WWTR1: variants seen among roughly 807,000 people sequenced by gnomAD.
WWTR1 encodes WW domain-containing transcription regulator protein 1.
In WWTR1, 13 loss-of-function variants were observed where a neutral mutation model predicts 40.1. The ratio of observed to expected loss-of-function variants is 0.32; its 90% CI spans 0.21 to 0.52. The LOEUF is 0.52. Ranked by LOEUF, WWTR1 falls within the 20% of genes least tolerant of loss-of-function variation. The pLI is 0.97. For synonymous variants in WWTR1, 230 were observed against 210.1 expected, an observed-to-expected ratio of 1.09 and a Z score of -0.82; for missense variants, 436 against 523.1, an observed-to-expected ratio of 0.83 and a Z score of 1.63.
chr3:149,555,484 GA>G lies in WWTR1; in HGVS notation c.569-12948del, dbSNP rs746791957. 5.7e-3 allele frequency among the ~76,000 whole-genome samples: 714 copies of G among 124,850 alleles called. 1 individual carries two copies. Among genetic ancestry groups the G allele is most frequent in the Non-Finnish European group, 7.2e-3 (420 of 58,076 alleles). 81.9% of individuals were successfully genotyped at this position (124,850 alleles called of 152,430 possible). A position where few individuals can be genotyped will look rare whatever the true frequency, so the allele number is the denominator to read the frequency against. The stretch of plus-strand genomic sequence containing the variant: ...TTTGCATTGGGCCAGGACCACTCAG[GA>G]AAAAAAAAAAAAACGAAAGAAGAAT... On this transcript the variant is annotated intron_variant, in intron 3 of 6. Coordinates refer to ENST00000360632, the MANE Select transcript of WWTR1 (RefSeq NM_015472.6).
At chr3:149,630,721 G>A (rs375571881) in intron 2 of WWTR1, among the ~76,000 whole-genome samples, 2 of 152,266 alleles carry the variant, frequency 1.3e-5, no homozygotes, top group African/African-American at 2.4e-5. Flanking sequence ...TAATGAGAAC[G>A]GTTAATAACT....
intron 4 of WWTR1, among the ~76,000 whole-genome samples, chr3:149,536,102 T>A (rs187718528): frequency 6.5e-4 from 99 of 152,306 alleles, no homozygotes; most frequent in Admixed American, 1.1e-3. Context: ...AAATGGATTA[T>A]TTCTGGGACA....
intron 2 of WWTR1, among the ~76,000 whole-genome samples, chr3:149,580,880 G>C (rs940328205): frequency 6.6e-6 from 1 of 152,206 alleles, no homozygotes; most frequent in African/African-American, 2.4e-5. Flanking sequence ...CCAAAGTGCT[G>C]GGATTATAGG....
Position 149,582,284 on chromosome 3 carries a change from GA to G in WWTR1, c.432-9285del, listed in dbSNP as rs764148154. Among the ~76,000 whole-genome samples, 1,213 of 140,894 alleles carry G rather than the reference GA, an allele frequency of 8.6e-3. 9 individuals carry two copies. The highest frequency in any genetic ancestry group is 0.026 in the African/African-American group (1,028 of 38,830). 92.4% of individuals were successfully genotyped at this position (140,894 alleles called of 152,430 possible). A position where few individuals can be genotyped will look rare whatever the true frequency, so the allele number is the denominator to read the frequency against. On this transcript the variant is annotated intron_variant, in intron 2 of 6. Coordinates refer to ENST00000360632, the MANE Select transcript of WWTR1 (RefSeq NM_015472.6). Reference sequence around the variant, plus strand: ...TCCTATTTTGTGAAAACATAAGAAGGAAAAAAAAAAAAGGACTGGGAGTTTC... The same window carrying G: ...TCCTATTTTGTGAAAACATAAGAAGGAAAAAAAAAAAGGACTGGGAGTTTC...
intron 2 of WWTR1, among the ~76,000 whole-genome samples, chr3:149,589,887 T>C (rs909224922): frequency 2.0e-5 from 3 of 152,194 alleles, no homozygotes; most frequent in Non-Finnish European, 4.4e-5. Context: ...TTGAATCTTA[T>C]TCACATCATA....
intron 2 of WWTR1, among the ~76,000 whole-genome samples, chr3:149,637,107 CTA>C (rs1014582071): frequency 6.6e-6 from 1 of 151,564 alleles, no homozygotes; most frequent in African/African-American, 2.4e-5. Flanking sequence ...CAAAGGTTGT[CTA>C]TTATTTCTAA....
intron 2 of WWTR1, among the ~76,000 whole-genome samples, chr3:149,654,711 T>C (rs1292682568): frequency 1.3e-5 from 2 of 152,240 alleles, no homozygotes; most frequent in African/African-American, 4.8e-5. Context: ...CTTTTTCGTC[T>C]AGTTTTCCTC....
chr3:149,627,308 G>T (rs1191430447), intron 2 of WWTR1, among the ~76,000 whole-genome samples: 1 of 152,048 alleles, frequency 6.6e-6, no homozygotes, highest in Non-Finnish European at 1.5e-5. Context: ...ATTTCCTTTG[G>T]GAAACATCCA....
intron 4 of WWTR1, among the ~76,000 whole-genome samples, chr3:149,532,791 G>T (rs59909742): frequency 6.6e-6 from 1 of 152,130 alleles, no homozygotes; most frequent in Non-Finnish European, 1.5e-5. Flanking sequence ...CTACCCTTGC[G>T]TGGGTAAAAA....
intron 3 of WWTR1, among the ~76,000 whole-genome samples, chr3:149,558,270 C>A (rs1736929937): frequency 6.6e-6 from 1 of 151,768 alleles, no homozygotes; most frequent in South Asian, 2.1e-4. Context: ...ACATAGCCTA[C>A]CTTTTGTAAA....
chr3:149,643,385 T>C (rs1329077617), intron 2 of WWTR1, among the ~76,000 whole-genome samples: 2 of 152,224 alleles, frequency 1.3e-5, no homozygotes, highest in African/African-American at 4.8e-5. Context: ...GCACTACAAA[T>C]TGTGACGAAG....
intron 2 of WWTR1, chr3:149,648,902 G>C (rs973869657): frequency 6.6e-6 from 1 of 152,234 alleles, no homozygotes; most frequent in African/African-American, 2.4e-5. Context: ...TCAGCTGCCT[G>C]CGGTGATAAA....
intron 2 of WWTR1, among the ~76,000 whole-genome samples, chr3:149,628,818 A>G (rs1397058400): frequency 6.6e-6 from 1 of 151,068 alleles, no homozygotes; most frequent in African/African-American, 2.4e-5. Flanking sequence ...TGCCCAGGCT[A>G]GATAGAGTAC....
chr3:149,555,763 T>C (rs1736800987), intron 3 of WWTR1, among the ~76,000 whole-genome samples: 1 of 152,196 alleles, frequency 6.6e-6, no homozygotes. Context: ...TCATTTCCCC[T>C]GTTTCTAGGA....
intron 4 of WWTR1, among the ~76,000 whole-genome samples, chr3:149,535,655 T>C (rs937595194): frequency 3.3e-5 from 5 of 151,990 alleles, no homozygotes; most frequent in African/African-American, 1.2e-4. Context: ...TCTGTTGTCC[T>C]TTCAAATCAC....
intron 2 of WWTR1, among the ~76,000 whole-genome samples, chr3:149,645,897 C>CA (rs1441844002): frequency 6.6e-6 from 1 of 151,658 alleles, no homozygotes; most frequent in African/African-American, 2.4e-5. Context: ...AGACTAGTCA[C>CA]AAAAAAGAAC....
intron 6 of WWTR1, 86 bp downstream of exon 6, chr3:149,525,927 A>G: frequency 1.3e-6 from 1 of 762,970 alleles, no homozygotes; most frequent in Admixed American, 3.5e-5. Flanking sequence ...TAAAAATAAA[A>G]TAAAAGAAAA....
chr3:149,556,583 A>C (rs1023925603), intron 3 of WWTR1, among the ~76,000 whole-genome samples: 2 of 152,080 alleles, frequency 1.3e-5, no homozygotes, highest in Non-Finnish European at 2.9e-5. Flanking sequence ...CGTCTCAAAA[A>C]CAAACAAACA....
intron 2 of WWTR1, among the ~76,000 whole-genome samples, chr3:149,619,431 G>A (rs1270203641): frequency 6.6e-6 from 1 of 152,024 alleles, no homozygotes; most frequent in African/African-American, 2.4e-5. Context: ...GACCAGCCTG[G>A]GCAACATAGT....
Sources: allele counts gnomAD v4.1 joint callset (sites outside exome capture counted in the v4.1 genomes callset), GRCh38; gene constraint gnomAD v4.1.1; transcripts MANE v1.5; gene names NCBI Gene and HGNC (gene_info 2026-07-23, HGNC 2026-07-21).